Variants in EFCAB6 observed in about 807,000 individuals in gnomAD.
EFCAB6 encodes EF-hand calcium-binding domain-containing protein 6.
In EFCAB6, 156 loss-of-function variants were observed where a neutral mutation model predicts 169.8. The observed-to-expected ratio is 0.92, with a 90% CI of 0.81 to 1.05. The LOEUF (loss-of-function observed/expected upper bound fraction) is 1.05. Among genes scored for constraint, EFCAB6 ranks in the 50% least tolerant of loss-of-function variants. EFCAB6 has a pLI of 0.00. For synonymous variants in EFCAB6, 698 were observed against 676.4 expected (o/e 1.03, Z -0.50); for missense variants, 1,800 against 1,829.1 (o/e 0.98, Z 0.29).
At chr22:43,653,962 T>C (rs1313669038) in intron 17 of EFCAB6, among the ~76,000 whole-genome samples, 3 of 152,050 alleles carry the variant, frequency 2.0e-5, no homozygotes, top group Non-Finnish European at 4.4e-5. Flanking sequence ...ATCAGTGAAG[T>C]AGAATATAGG....
chr22:43,668,530 A>T (rs2057357568), intron 16 of EFCAB6, among the ~76,000 whole-genome samples: 1 of 152,226 alleles, frequency 6.6e-6, no homozygotes, highest in Admixed American at 6.5e-5. Flanking sequence ...GGAAGAGAGT[A>T]AATGTGAATG....
intron 12 of EFCAB6, among the ~76,000 whole-genome samples, chr22:43,680,225 C>T (rs180873353): frequency 1.3e-5 from 2 of 152,254 alleles, no homozygotes; most frequent in East Asian, 1.9e-4. Context: ...TCCTTTCCCC[C>T]ACTGAATTTG....
At chr22:43,775,930 T>C (rs565338979) in intron 3 of EFCAB6, among the ~76,000 whole-genome samples, 1 of 152,364 alleles carries the variant, frequency 6.6e-6, no homozygotes, top group Non-Finnish European at 1.5e-5. Context: ...GCCCAGCCTC[T>C]GCACCTCCCC....
At chr22:43,801,251 G>A (rs2062702197) in intron 2 of EFCAB6, among the ~76,000 whole-genome samples, 1 of 152,104 alleles carries the variant, frequency 6.6e-6, no homozygotes, top group African/African-American at 2.4e-5. Context: ...CTTCAAATAT[G>A]AAGAACAGAT....
At chr22:43,643,144 G>A (rs1268277747) in intron 17 of EFCAB6, among the ~76,000 whole-genome samples, 3 of 152,196 alleles carry the variant, frequency 2.0e-5, no homozygotes, top group Non-Finnish European at 4.4e-5. Flanking sequence ...GGAGCTACCA[G>A]GGGCCGCCCC....
At position 43,572,062 on chromosome 22, in the gene EFCAB6, G is replaced by A. The variant is rs558671537; in HGVS notation, c.3420+4235C>T. ...TGATGGGACAGGGCAGGAGGTGGCC[G>A]GTGCAGGGATGCGTGCTGCAGGGAC... On this transcript the variant is annotated intron_variant, in intron 26 of 31. Transcript: ENST00000262726. This position sits in a 1 kb window ranked among gnomAD's most constrained non-coding sequence, Gnocchi z 4.0. 1.3e-5 allele frequency among the ~76,000 whole-genome samples: 2 copies of A among 152,168 alleles called. No individual in the cohort carries two copies. Among genetic ancestry groups the A allele is most frequent in the Non-Finnish European group, 2.9e-5 (2 of 68,024 alleles).
chr22:43,736,228 C>T (rs1422482761), intron 6 of EFCAB6, among the ~76,000 whole-genome samples: 1 of 152,134 alleles, frequency 6.6e-6, no homozygotes. Flanking sequence ...AAAAAAATCT[C>T]TTTCTCATGT....
At chr22:43,719,228 C>T (rs66715885) in intron 8 of EFCAB6, among the ~76,000 whole-genome samples, 7,423 of 152,238 alleles carry the variant, frequency 0.049, 207 homozygotes, top group African/African-American at 0.055. Context: ...ACAATTATAC[C>T]AGCTTTCATT....
chr22:43,679,808 T>C lies in EFCAB6; in HGVS notation c.1252-1645A>G, dbSNP rs1313821940. Among the ~76,000 whole-genome samples, 3 of 152,174 alleles carry C rather than the reference T, an allele frequency of 2.0e-5. No individual in the cohort carries two copies. In the East Asian group the frequency reaches 5.8e-4, roughly 29 times the overall value. On this transcript the variant is annotated intron_variant, in intron 12 of 31. Transcript: ENST00000262726. ...TCTTCTTGGGTAAAATGTCTATTAA[T>C]ATATTTTACCCATTTAAAAAATTAG...
At chr22:43,567,138 C>A (rs965738034) in intron 26 of EFCAB6, among the ~76,000 whole-genome samples, 2 of 152,014 alleles carry the variant, frequency 1.3e-5, no homozygotes, top group Non-Finnish European at 2.9e-5. Context: ...TCGTCCTCCT[C>A]ATCATCCTCC....
chr22:43,679,854 T>C (rs1210715102), intron 12 of EFCAB6, among the ~76,000 whole-genome samples: 5 of 152,226 alleles, frequency 3.3e-5, no homozygotes, highest in Non-Finnish European at 1.5e-5. Context: ...TATTGAGTTG[T>C]AAAAGTACTT....
In EFCAB6 at chr22:43,676,112, CAA is replaced by C. The variant is rs374441135; in HGVS notation, c.1419+1882_1419+1883del. Among the ~76,000 whole-genome samples the C allele has an allele frequency of 2.1e-3, 317 of 151,900 alleles. 1 individual carries two copies. The highest frequency in any genetic ancestry group is 7.4e-3 in the African/African-American group (305 of 41,416). On this transcript the variant is annotated intron_variant, in intron 13 of 31. Coordinates refer to ENST00000262726, the MANE Select transcript of EFCAB6 (RefSeq NM_022785.4). ...CGTGAAGCTGAAAAAATGGAATATA[CAA>C]AGTCATACAAAAATGAGTTCAGGCC...
intron 24 of EFCAB6, among the ~76,000 whole-genome samples, 174 bp from the exon 25 acceptor site, chr22:43,580,833 C>A (rs1409231221): frequency 1.3e-5 from 2 of 152,202 alleles, no homozygotes; most frequent in Non-Finnish European, 2.9e-5. Context: ...CAGGTAGACA[C>A]ACACATCCTG....
At chr22:43,736,111 T>C in intron 6 of EFCAB6, 118 bp from the exon 7 acceptor site, 1 of 1,055,816 alleles carries the variant, frequency 9.5e-7, no homozygotes. Flanking sequence ...TTTCAAAGAC[T>C]CACAGTGGTA....
intron 15 of EFCAB6, among the ~76,000 whole-genome samples, chr22:43,670,061 T>C (rs1245219407): frequency 6.6e-6 from 1 of 152,328 alleles, no homozygotes; most frequent in African/African-American, 2.4e-5. Flanking sequence ...TTTTCAGTGA[T>C]TAACTCAGTT....
At chr22:43,777,074 C>T (rs2061664115) in intron 3 of EFCAB6, among the ~76,000 whole-genome samples, 1 of 152,046 alleles carries the variant, frequency 6.6e-6, no homozygotes, top group Admixed American at 6.5e-5. Flanking sequence ...CTGTAGCTGA[C>T]AAGGTTTTGC....
chr22:43,576,903 A>T (rs2050293314), intron 25 of EFCAB6, among the ~76,000 whole-genome samples: 1 of 152,146 alleles, frequency 6.6e-6, no homozygotes, highest in South Asian at 2.1e-4. Flanking sequence ...ATTAGTTGTA[A>T]CAGGAGGCTC....
intron 9 of EFCAB6, among the ~76,000 whole-genome samples, chr22:43,716,460 C>T (rs1043907228): frequency 1.1e-4 from 17 of 151,920 alleles, no homozygotes; most frequent in Non-Finnish European, 4.4e-5. Context: ...TATAATTTTT[C>T]AGAAGAAAAA....
chr22:43,557,547 T>C (rs1039559608), intron 26 of EFCAB6, among the ~76,000 whole-genome samples: 1 of 152,172 alleles, frequency 6.6e-6, no homozygotes, highest in Non-Finnish European at 1.5e-5. Context: ...CTACCATCTA[T>C]CATTAAAAAG....
Sources: gnomAD v4.1 joint callset for allele counts (sites outside exome capture counted in the v4.1 genomes callset) on GRCh38, gnomAD v4.1.1 for gene constraint, Gnocchi (gnomAD v3.1) non-coding constraint, MANE v1.5 for transcripts, NCBI Gene and HGNC (gene_info 2026-07-23, HGNC 2026-07-21) for gene names.